The following RDH13 variants were observed in gnomAD, a reference collection of about 807,000 sequenced individuals.
The protein encoded by RDH13 is retinol dehydrogenase 13.
RDH13 carries 35 observed loss-of-function variants against 28.3 expected under a neutral mutation model. The ratio of observed to expected loss-of-function variants is 1.24; its 90% CI spans 0.95 to 1.64. The LOEUF (loss-of-function observed/expected upper bound fraction) is 1.64, where lower values mean the gene tolerates loss of function less well. RDH13 is among the 40% of genes most tolerant of loss of function. The probability of loss-of-function intolerance (pLI) is 0.00; values close to 1 mark genes in which losing one functional copy is unlikely to be tolerated. For synonymous variants in RDH13, 229 were observed against 198.5 expected (o/e 1.15, Z -1.29); for missense variants, 514 against 446.3 (o/e 1.15, Z -1.37).
chr19:55,042,000 G>A (rs10418743), downstream of RDH13: 17,535 of 151,994 alleles, frequency 0.12, 1,111 homozygotes, highest in African/African-American at 0.17. Flanking sequence ...AGCCCAGAAC[G>A]CTTCCTGGAG....
upstream of RDH13, among the ~76,000 whole-genome samples, chr19:55,066,428 C>CTTT: frequency 7.0e-6 from 1 of 143,744 alleles, no homozygotes; most frequent in African/African-American, 2.6e-5. Context: ...TCCTCTCTCC[C>CTTT]TCTCTGTCTT....
chr19:55,048,961 GAAAACA>G (rs1463335255), intron 3 of RDH13, among the ~76,000 whole-genome samples, 198 bp from the exon 4 acceptor site: 1 of 152,162 alleles, frequency 6.6e-6, no homozygotes, highest in Non-Finnish European at 1.5e-5. Context: ...TATAGGAAGG[GAAAACA>G]GAGACAGAGA....
chr19:55,051,646 T>C (rs1291336429), intron 3 of RDH13, among the ~76,000 whole-genome samples: 4 of 151,762 alleles, frequency 2.6e-5, no homozygotes, highest in African/African-American at 9.7e-5. Flanking sequence ...GTCAGGCTGG[T>C]CTTGAATTCT....
Position 55,063,088 on chromosome 19 carries a change from C to T in RDH13, c.-56G>A, listed in dbSNP as rs961706863. ...GGGTCGGCGCGGAGCTTGCTGCACACCAGCCGCCTGGGTAGCTCCGAGGAA... is the reference window on the plus strand; with the variant it reads ...GGGTCGGCGCGGAGCTTGCTGCACATCAGCCGCCTGGGTAGCTCCGAGGAA... On this transcript the variant is annotated 5_prime_UTR_variant, in exon 1 of 7. In the 5' UTR this introduces an upstream ATG that the reference lacks. Coordinates refer to ENST00000415061, the MANE Select transcript of RDH13 (RefSeq NM_001145971.2). 7 of 1,258,614 alleles carry T rather than the reference C, an allele frequency of 5.6e-6. No individual in the cohort carries two copies. The highest frequency in any genetic ancestry group is 1.6e-5 in the African/African-American group (1 of 63,762). The allele number at this position is 1,258,614 out of a possible 1,614,324, so 78.0% of individuals were successfully genotyped here.
At position 55,048,727 on chromosome 19, in the gene RDH13, C is replaced by G. The variant is rs572055420; in HGVS notation, c.377G>C (p.Gly126Ala). 1.2e-6 allele frequency: 2 copies of G among 1,614,034 alleles called. No homozygotes were observed. The highest frequency in any genetic ancestry group is 1.7e-5 in the Admixed American group (1 of 59,996). ...GGTCCAGTGGGGGCACCGCATCACA[C>G]CCGCGTTGTTGATTAGAATGTCCAC... The part of the protein sequence containing the change: ...ERVDILINNA[G>A]VMRCPHWTTE... Residue 126 changes from glycine (G) to alanine (A), a missense_variant, in exon 4 of 7, where the codon GGT becomes GCT. By Grantham distance (60) the Gly-to-Ala change is moderately conservative (BLOSUM62 0). Transcript: ENST00000415061.
intron 1 of RDH13, among the ~76,000 whole-genome samples, chr19:55,060,204 A>T (rs1671181): frequency 0.13 from 17,383 of 135,162 alleles, 1,206 homozygotes; most frequent in Non-Finnish European, 0.14. Context: ...CTCCTGCCTG[A>T]CCCTGGGAAC....
chr19:55,040,407 C>T (rs2074997914), downstream of RDH13: 1 of 152,316 alleles, frequency 6.6e-6, no homozygotes, highest in Non-Finnish European at 1.5e-5. Context: ...ATTTGGCCTC[C>T]CAAAGTGCTG....
At chr19:55,046,609 G>C (rs532570532) in intron 6 of RDH13, 2 of 152,102 alleles carry the variant, frequency 1.3e-5, no homozygotes, top group South Asian at 2.1e-4. Context: ...TGTTTTTCAG[G>C]ATTATAAACA....
intron 2 of RDH13, 71 bp from the exon 3 acceptor site, chr19:55,056,879 AACAT>A: frequency 7.5e-7 from 1 of 1,328,228 alleles, no homozygotes. Flanking sequence ...GAGACATGAA[AACAT>A]ACGTCTACAC....
At position 55,051,952 on chromosome 19, in the gene RDH13, G is replaced by A. The variant is rs570556744; in HGVS notation, c.341-3189C>T. Reference sequence around the variant, plus strand: ...TGGCTATGTTGCTTAGGCTGGTCTCGAATTTCTGAGCTTAGGCAATTCGCC... The same window carrying A: ...TGGCTATGTTGCTTAGGCTGGTCTCAAATTTCTGAGCTTAGGCAATTCGCC... On this transcript the variant is annotated intron_variant, in intron 3 of 6. Coordinates refer to ENST00000415061, the MANE Select transcript of RDH13 (RefSeq NM_001145971.2). Among the ~76,000 whole-genome samples, 8 of 151,432 alleles carry A rather than the reference G, an allele frequency of 5.3e-5. No homozygotes were observed. The East Asian group carries it at 1.2e-3, about 22-fold the overall frequency.
At chr19:55,041,534 G>T (rs557114031), downstream of RDH13, 1 of 86,238 alleles carries the variant, frequency 1.2e-5, no homozygotes, top group Admixed American at 1.0e-4. Context: ...CTTAGAGCAA[G>T]AAAATGGTAT....
Position 55,045,088 on chromosome 19 carries a change from G to A in RDH13, c.982C>T (p.Pro328Ser). The A allele has an allele frequency of 2.5e-6, 4 of 1,605,640 alleles. No individual in the cohort carries two copies. Among genetic ancestry groups the A allele is most frequent in the Non-Finnish European group, 3.4e-6 (4 of 1,176,214 alleles). Residue 328 changes from proline (P) to serine (S), a missense_variant, in exon 7 of 7, where the codon CCC becomes TCC. Physicochemically the swap from Pro to Ser is moderately conservative, Grantham distance 74 (BLOSUM62 -1). Transcript: ENST00000415061. The stretch of plus-strand genomic sequence containing the variant: ...TGCTCCAGAGGTTATCTGGGGAGGG[G>A]CTGCTCCCTCACAGAGGGAGCCTCT... The part of the protein sequence containing the change: ...GLEAPSVREQ[P>S]LPR
chr19:55,050,484 C>T (rs775825), intron 3 of RDH13, among the ~76,000 whole-genome samples: 68,554 of 151,750 alleles, frequency 0.45, 15,737 homozygotes, highest in East Asian at 0.58. Flanking sequence ...AGTACAGTGG[C>T]GCAATCACTG....
chr19:55,055,359 G>C (rs922886383), intron 3 of RDH13, among the ~76,000 whole-genome samples: 5 of 151,490 alleles, frequency 3.3e-5, no homozygotes, highest in Non-Finnish European at 7.4e-5. Flanking sequence ...CACCATGTTG[G>C]CCAGGCTGGT....
intron 1 of RDH13, among the ~76,000 whole-genome samples, chr19:55,060,614 C>CT (rs1337441774): frequency 1.3e-4 from 20 of 152,172 alleles, no homozygotes; most frequent in South Asian, 2.1e-4. Context: ...TACTTTGTGT[C>CT]TTATTTCTTT....
At position 55,050,127 on chromosome 19, in the gene RDH13, G is replaced by T. The variant is rs532733748; in HGVS notation, c.341-1364C>A. On this transcript the variant is annotated intron_variant, in intron 3 of 6. Coordinates refer to ENST00000415061, the MANE Select transcript of RDH13 (RefSeq NM_001145971.2). ...CCCCCAGCCTATTTTTTTTTTTTTG[G>T]GGGGGGGAGATGGAGTTTCACTCTT... Among the ~76,000 whole-genome samples the T allele has an allele frequency of 1.5e-3, 56 of 36,160 alleles. 1 individual carries two copies. Among genetic ancestry groups the T allele is most frequent in the Middle Eastern group, 0.024 (2 of 82 alleles). The allele number at this position is 36,160 out of a possible 152,430, so 23.7% of individuals were successfully genotyped here.
At chr19:55,045,966 G>C (rs2075215306) in intron 6 of RDH13, among the ~76,000 whole-genome samples, 1 of 140,054 alleles carries the variant, frequency 7.1e-6, no homozygotes, top group South Asian at 2.3e-4. Flanking sequence ...AAAAAAAAAG[G>C]GCTGGGCGTG....
chr19:55,055,538 G>C (rs1250261654), intron 3 of RDH13, among the ~76,000 whole-genome samples: 2 of 151,860 alleles, frequency 1.3e-5, no homozygotes, highest in Non-Finnish European at 1.5e-5. Flanking sequence ...GAAGGCACTT[G>C]ATCAATAAAT....
chr19:55,052,698 G>A (rs2075489426), intron 3 of RDH13, among the ~76,000 whole-genome samples: 1 of 148,372 alleles, frequency 6.7e-6, no homozygotes, highest in Non-Finnish European at 1.5e-5. Context: ...GTCTCACTCT[G>A]TCACCCAGGC....
Sources: allele counts gnomAD v4.1 joint callset (sites outside exome capture counted in the v4.1 genomes callset), GRCh38; gene constraint gnomAD v4.1.1; transcripts MANE v1.5; gene names NCBI Gene and HGNC (gene_info 2026-07-23, HGNC 2026-07-21).